Variants in RANGAP1 observed in about 807,000 individuals in gnomAD.
RANGAP1 encodes the protein Ran GTPase activating protein 1.
RANGAP1 carries 38 observed loss-of-function variants against 63.5 expected under a neutral mutation model. The ratio of observed to expected loss-of-function variants is 0.60; its 90% CI spans 0.46 to 0.78. The LOEUF (loss-of-function observed/expected upper bound fraction) is 0.78, where lower values mean the gene tolerates loss of function less well. Ranked by LOEUF, RANGAP1 falls within the 30% of genes least tolerant of loss-of-function variation. RANGAP1 has a pLI of 0.00. For missense variants in RANGAP1, 630 were observed against 740.3 expected (o/e 0.85, Z 1.73); for synonymous variants, 329 against 310.5 (o/e 1.06, Z -0.63).
intron 2 of RANGAP1, among the ~76,000 whole-genome samples, chr22:41,275,875 A>C (rs1362856105): frequency 1.3e-5 from 2 of 151,852 alleles, no homozygotes; most frequent in African/African-American, 2.4e-5. Flanking sequence ...GAGCCTGAGA[A>C]GTTGAGGCTG....
At chr22:41,248,019 A>T (rs2033167905) in intron 15 of RANGAP1, among the ~76,000 whole-genome samples, 1 of 152,222 alleles carries the variant, frequency 6.6e-6, no homozygotes, top group Non-Finnish European at 1.5e-5. Flanking sequence ...TGCCAGGGAT[A>T]CAGAGGGAAC....
intron 12 of RANGAP1, among the ~76,000 whole-genome samples, chr22:41,251,348 G>C (rs576734542): frequency 6.6e-6 from 1 of 152,306 alleles, no homozygotes; most frequent in Admixed American, 6.5e-5. Context: ...CATCCCAGCC[G>C]GGTGTGGCGG....
At chr22:41,267,241 G>A (rs897266829) in intron 4 of RANGAP1, among the ~76,000 whole-genome samples, 4 of 152,054 alleles carry the variant, frequency 2.6e-5, no homozygotes, top group African/African-American at 4.8e-5. Context: ...GCAGTGGCAC[G>A]CACCTGTAAT....
chr22:41,278,120 T>G (rs1238997875), intron 2 of RANGAP1, among the ~76,000 whole-genome samples: 1 of 147,588 alleles, frequency 6.8e-6, no homozygotes, highest in Non-Finnish European at 1.5e-5. Flanking sequence ...CACTGCAACC[T>G]CCGCCTCCCG....
the RANGAP1 span, among the ~76,000 whole-genome samples, chr22:41,301,954 A>C: frequency 6.6e-6 from 1 of 151,902 alleles, no homozygotes; most frequent in South Asian, 2.1e-4. Context: ...TTTGCAAAAA[A>C]TAAATCGTCT....
chr22:41,258,230 C>A, intron 6 of RANGAP1, 124 bp from the exon 7 acceptor site: 1 of 1,123,358 alleles, frequency 8.9e-7, no homozygotes, highest in South Asian at 2.0e-5. Flanking sequence ...AGGGGCCTGT[C>A]TGTGGGATTT....
intron 1 of RANGAP1, chr22:41,281,306 A>G (rs1179997626): frequency 3.9e-6 from 3 of 778,170 alleles, no homozygotes; most frequent in Non-Finnish European, 5.2e-6. Flanking sequence ...AGCCTATAAG[A>G]AGCTACCATC....
At chr22:41,256,358 C>A in intron 8 of RANGAP1, 68 bp from the exon 9 acceptor site, 2 of 1,479,328 alleles carry the variant, frequency 1.4e-6, no homozygotes, top group Non-Finnish European at 1.9e-6. Flanking sequence ...CTACTCTAAG[C>A]CTCAGTTTCC....
At chr22:41,254,186 CA>C (rs1206818249) in intron 11 of RANGAP1, 121 bp downstream of exon 11, 822 of 986,314 alleles carry the variant, frequency 8.3e-4, no homozygotes, top group Non-Finnish European at 9.5e-4. Flanking sequence ...ATCATGCAAT[CA>C]AAAAAAAATG....
chr22:41,292,564 G>A, the RANGAP1 span, among the ~76,000 whole-genome samples: 13 of 150,224 alleles, frequency 8.7e-5, no homozygotes, highest in African/African-American at 1.2e-4. Context: ...TTTGAGACCC[G>A]CCTGACCAAC....
chr22:41,265,958 T>C (rs541373209), intron 4 of RANGAP1, among the ~76,000 whole-genome samples: 2 of 151,602 alleles, frequency 1.3e-5, no homozygotes, highest in African/African-American at 4.8e-5. Flanking sequence ...ATCCCAGCAC[T>C]TTGGGAGGCC....
intron 6 of RANGAP1, among the ~76,000 whole-genome samples, chr22:41,259,156 C>T (rs899168244): frequency 1.3e-5 from 2 of 152,158 alleles, no homozygotes; most frequent in African/African-American, 4.8e-5. Context: ...GTCTGCATCC[C>T]ATCGGCCCCT....
chr22:41,282,936 C>T (rs1422981526), intron 1 of RANGAP1, among the ~76,000 whole-genome samples: 1 of 152,160 alleles, frequency 6.6e-6, no homozygotes, highest in African/African-American at 2.4e-5. Context: ...CCTCCTACAA[C>T]CTCCTCATTC....
chr22:41,259,021 C>T (rs1312909789), intron 6 of RANGAP1, among the ~76,000 whole-genome samples: 2 of 152,068 alleles, frequency 1.3e-5, no homozygotes, highest in African/African-American at 2.4e-5. Flanking sequence ...CACCTCCTCT[C>T]CCAGGAAGGC....
Position 41,246,663 on chromosome 22 carries a change from G to T in RANGAP1, c.1704C>A (p.Ser568Arg). 1.3e-6 allele frequency: 2 copies of T among 1,563,308 alleles called. No homozygotes were observed. Among genetic ancestry groups the T allele is most frequent in the East Asian group, 2.4e-5 (1 of 42,500 alleles). The change falls in exon 16 of 16, where the codon AGC becomes AGA. Residue 568 changes from serine to arginine, a missense_variant. This residue lies in a region of RANGAP1 where 428 missense variants were observed against 465.5 expected (regional missense o/e 0.92). Coordinates refer to ENST00000356244, the MANE Select transcript of RANGAP1 (RefSeq NM_002883.4). ...LLLAFVTKPN[S>R]ALESCSFARH... ...GGGCGAAGGAGCAGGATTCCAGGGCGCTGTTGGGCCTGCGGGGAAAGAGGG... is the reference window on the plus strand; with the variant it reads ...GGGCGAAGGAGCAGGATTCCAGGGCTCTGTTGGGCCTGCGGGGAAAGAGGG...
intron 2 of RANGAP1, among the ~76,000 whole-genome samples, chr22:41,275,921 G>A (rs2035114642): frequency 1.3e-5 from 2 of 152,138 alleles, no homozygotes; most frequent in African/African-American, 4.8e-5. Flanking sequence ...ACTCCAGCCA[G>A]GGGGACAGAG....
At position 41,249,341 on chromosome 22, in the gene RANGAP1, C is replaced by T. The variant is rs545542836; in HGVS notation, c.1683G>A (p.Ala561=). Residue 561 remains alanine, a synonymous_variant, in exon 15 of 16, where the codon GCG becomes GCA. Coordinates refer to ENST00000356244, the MANE Select transcript of RANGAP1 (RefSeq NM_002883.4). The part of the protein sequence containing the change: ...FPKALAPLLL[A]FVTKPNSALE... ...AAGGCCACACTCACTTGGTCACGAA[C>T]GCCAGCAGCAGGGGTGCAAGGGCCT... 72 of 1,604,656 alleles carry T rather than the reference C, an allele frequency of 4.5e-5. No individual in the cohort carries two copies. The highest frequency in any genetic ancestry group is 1.3e-4 in the African/African-American group (10 of 74,804).
chr22:41,280,984 C>G lies in RANGAP1; in HGVS notation c.61G>C (p.Gly21Arg). 1 of 1,613,670 alleles carries G rather than the reference C, an allele frequency of 6.2e-7. No individual in the cohort carries two copies. Among genetic ancestry groups the G allele is most frequent in the South Asian group, 1.1e-5 (1 of 91,042 alleles). The change falls in exon 2 of 16, where the codon GGA (glycine) becomes CGA (arginine). Residue 21 changes from glycine (G) to arginine (R), a missense_variant. Transcript: ENST00000356244. ...ETLAKTQVAG[G>R]QLSFKGKSLK... ...CTCTTGCCTTTGAAACTCAGCTGTC[C>G]CCCGGCCACCTGAGTCTTGGCAAGT...
At chr22:41,288,214 C>G (rs1289643500), upstream of RANGAP1, among the ~76,000 whole-genome samples, 3 of 152,142 alleles carry the variant, frequency 2.0e-5, no homozygotes, top group African/African-American at 4.8e-5. Flanking sequence ...CTACAAGGCC[C>G]ATGTCAAATG....
Sources: allele counts gnomAD v4.1 joint callset (sites outside exome capture counted in the v4.1 genomes callset), GRCh38; gene constraint gnomAD v4.1.1; regional missense constraint gnomAD v4.1.1; transcripts MANE v1.5; gene names NCBI Gene and HGNC (gene_info 2026-07-23, HGNC 2026-07-21).